RPSA2: variants seen among roughly 807,000 people sequenced by gnomAD.
RPSA2 encodes the protein small ribosomal subunit protein uS2B.
At chr19:23,791,787 TG>T in the RPSA2 span, among the ~76,000 whole-genome samples, 14 of 362 alleles carry the variant, frequency 0.039, no homozygotes, top group Admixed American at 0.22. Context: ...TCTCTGAGAC[TG>T]GAGTGCAGTG....
At chr19:23,806,047 CTTTTT>C in the RPSA2 span, among the ~76,000 whole-genome samples, 8 of 126,386 alleles carry the variant, frequency 6.3e-5, no homozygotes, top group African/African-American at 2.4e-4. Flanking sequence ...TTCTTTCTTT[CTTTTT>C]TTTTTTTTTT....
At chr19:23,826,532 CTG>C in the RPSA2 span, among the ~76,000 whole-genome samples, 9 of 151,942 alleles carry the variant, frequency 5.9e-5, no homozygotes, top group East Asian at 3.9e-4. Context: ...AAACACCACT[CTG>C]TTTTTTGTTT....
chr19:23,851,912 G>C, the RPSA2 span, among the ~76,000 whole-genome samples: 1 of 152,346 alleles, frequency 6.6e-6, no homozygotes, highest in African/African-American at 2.4e-5. Flanking sequence ...GAAGCGGCCT[G>C]AACTTTGAGC....
At chr19:23,760,674 T>A in the RPSA2 span, among the ~76,000 whole-genome samples, 433 of 148,396 alleles carry the variant, frequency 2.9e-3, 2 homozygotes, top group South Asian at 0.023. Flanking sequence ...TATATATTTT[T>A]TTTTTTTTAA....
chr19:23,860,801 CTATT>C, the RPSA2 span, among the ~76,000 whole-genome samples: 1 of 152,176 alleles, frequency 6.6e-6, no homozygotes, highest in African/African-American at 2.4e-5. Flanking sequence ...CTTCAATTCT[CTATT>C]TATTACTAGT....
At chr19:23,858,342 C>T in the RPSA2 span, among the ~76,000 whole-genome samples, 1 of 152,076 alleles carries the variant, frequency 6.6e-6, no homozygotes, top group Non-Finnish European at 1.5e-5. Context: ...AAAGCCCTGA[C>T]TTCACCACTA....
At chr19:23,805,199 T>A in the RPSA2 span, among the ~76,000 whole-genome samples, 4 of 151,882 alleles carry the variant, frequency 2.6e-5, no homozygotes, top group African/African-American at 4.8e-5. Context: ...AGTTTCACTC[T>A]TGTTGCCCAG....
the RPSA2 span, among the ~76,000 whole-genome samples, chr19:23,769,185 A>G: frequency 6.6e-6 from 1 of 152,156 alleles, no homozygotes; most frequent in South Asian, 2.1e-4. Context: ...CCAAGCACCT[A>G]CGTGATATGA....
the RPSA2 span, among the ~76,000 whole-genome samples, chr19:23,778,273 C>T: frequency 1.8e-4 from 28 of 152,248 alleles, no homozygotes; most frequent in Non-Finnish European, 2.6e-4. Context: ...AATGCAATGG[C>T]GCAATCTCGG....
the RPSA2 span, among the ~76,000 whole-genome samples, chr19:23,778,995 CTTTTTTTTTT>C: frequency 9.9e-5 from 8 of 80,698 alleles, no homozygotes; most frequent in Admixed American, 4.3e-4. Context: ...TTTTGTGACA[CTTTTTTTTTT>C]TTTTTTTTTT....
the RPSA2 span, among the ~76,000 whole-genome samples, chr19:23,842,860 CT>C: frequency 1.3e-5 from 2 of 151,790 alleles, no homozygotes; most frequent in African/African-American, 2.4e-5. Context: ...GAACCATCCC[CT>C]TTTTTTTGAG....
the RPSA2 span, among the ~76,000 whole-genome samples, chr19:23,833,638 A>G: frequency 8.5e-5 from 13 of 152,160 alleles, no homozygotes; most frequent in South Asian, 2.1e-4. Flanking sequence ...CTTGAGAACA[A>G]ATGTGCAAAT....
At chr19:23,803,331 C>G in the RPSA2 span, among the ~76,000 whole-genome samples, 1 of 151,844 alleles carries the variant, frequency 6.6e-6, no homozygotes, top group Admixed American at 6.6e-5. Flanking sequence ...GGTTGGTGCT[C>G]ATGATTTTCT....
chr19:23,829,526 C>A, the RPSA2 span, among the ~76,000 whole-genome samples: 8 of 152,140 alleles, frequency 5.3e-5, no homozygotes, highest in Non-Finnish European at 1.2e-4. Flanking sequence ...GTCTTGAACT[C>A]CTGACTTCAG....
chr19:23,849,639 C>T, the RPSA2 span, among the ~76,000 whole-genome samples: 1 of 152,118 alleles, frequency 6.6e-6, no homozygotes, highest in South Asian at 2.1e-4. Context: ...ATGAGCTGAA[C>T]CTCCTATCCA....
chr19:23,793,394 CTT>C, the RPSA2 span, among the ~76,000 whole-genome samples: 1 of 145,966 alleles, frequency 6.9e-6, no homozygotes, highest in African/African-American at 2.5e-5. Flanking sequence ...GAGTTTTGCT[CTT>C]GTTTTATTTG....
At chr19:23,787,666 A>G in the RPSA2 span, among the ~76,000 whole-genome samples, 27 of 152,256 alleles carry the variant, frequency 1.8e-4, no homozygotes, top group Admixed American at 9.8e-4. Flanking sequence ...CCAATCCCAA[A>G]GGTGATGTGA....
At chr19:23,762,074 C>T in the RPSA2 span, among the ~76,000 whole-genome samples, 1 of 151,152 alleles carries the variant, frequency 6.6e-6, no homozygotes. Context: ...TGCGCCACCA[C>T]GCCCGGTTAA....
the RPSA2 span, among the ~76,000 whole-genome samples, chr19:23,791,842 C>T: frequency 6.6e-6 from 1 of 151,240 alleles, no homozygotes; most frequent in Non-Finnish European, 1.5e-5. Context: ...TGGGTTCAAG[C>T]AATTATCCTG....
Sources: allele counts gnomAD v4.1 joint callset (sites outside exome capture counted in the v4.1 genomes callset), GRCh38; gene constraint gnomAD v4.1.1; transcripts MANE v1.5; gene names NCBI Gene and HGNC (gene_info 2026-07-23, HGNC 2026-07-21).